Variants in FNIP2 observed in about 807,000 individuals in gnomAD.
The protein encoded by FNIP2 is folliculin-interacting protein 2.
FNIP2 carries 32 observed loss-of-function variants against 108.7 expected under a neutral mutation model. The observed-to-expected ratio is 0.29, with a 90% CI of 0.22 to 0.40. FNIP2 has a LOEUF of 0.40. Ranked by LOEUF, FNIP2 falls within the 10% of genes least tolerant of loss-of-function variation. The probability of loss-of-function intolerance (pLI) is 1.00; values close to 1 mark genes in which losing one functional copy is unlikely to be tolerated. For missense variants in FNIP2, 1,202 were observed against 1,381.6 expected, an observed-to-expected ratio of 0.87 and a Z score of 2.06; for synonymous variants, 480 against 496.7, an observed-to-expected ratio of 0.97 and a Z score of 0.45.
At position 158,881,080 on chromosome 4, in the gene FNIP2, T is replaced by C. The variant is rs1312203259; in HGVS notation, c.2950-10366T>C. 3.9e-5 allele frequency among the ~76,000 whole-genome samples: 6 copies of C among 152,362 alleles called. No homozygotes were observed. The East Asian group carries it at 9.6e-4, about 24-fold the overall frequency. On this transcript the variant is annotated intron_variant, in intron 14 of 16. Coordinates refer to ENST00000264433, the MANE Select transcript of FNIP2 (RefSeq NM_020840.3). The stretch of plus-strand genomic sequence containing the variant: ...GGTATTTTGTCATGTAGCATCCTCT[T>C]ATTAAAGTACAGTTTAATAAATGTA...
intron 2 of FNIP2, 64 bp downstream of exon 2, chr4:158,826,106 A>G (rs1419449759): frequency 5.2e-6 from 8 of 1,551,184 alleles, no homozygotes; most frequent in Non-Finnish European, 7.0e-6. Context: ...CTGATCAATC[A>G]TTTATTAATC....
At chr4:158,825,764 C>G (rs976935670) in intron 1 of FNIP2, among the ~76,000 whole-genome samples, 152 bp from the exon 2 acceptor site, 6 of 152,284 alleles carry the variant, frequency 3.9e-5, no homozygotes, top group African/African-American at 1.4e-4. Context: ...GTCCCAGGCT[C>G]ACTGGTGCCC....
chr4:158,809,875 T>A (rs997583054), intron 1 of FNIP2, among the ~76,000 whole-genome samples: 8 of 152,204 alleles, frequency 5.3e-5, no homozygotes, highest in African/African-American at 1.9e-4. Context: ...TTATGTACAT[T>A]TTTAGATGAG....
At chr4:158,783,986 A>C (rs1188842834) in intron 1 of FNIP2, among the ~76,000 whole-genome samples, 1 of 152,256 alleles carries the variant, frequency 6.6e-6, no homozygotes, top group African/African-American at 2.4e-5. Flanking sequence ...ATACTTGTAA[A>C]CAAAAAGAAT....
intron 3 of FNIP2, 104 bp downstream of exon 3, chr4:158,829,329 T>G: frequency 2.0e-6 from 2 of 1,017,770 alleles, no homozygotes; most frequent in Non-Finnish European, 2.8e-6. Context: ...TCCAGGAATA[T>G]GAGGACAAGT....
intron 12 of FNIP2, among the ~76,000 whole-genome samples, chr4:158,867,082 C>T (rs1251558144): frequency 6.6e-6 from 1 of 152,166 alleles, no homozygotes; most frequent in Admixed American, 6.5e-5. Context: ...CACATTTGCC[C>T]TTATTGTCTC....
chr4:158,814,208 T>A (rs779907721), intron 1 of FNIP2, among the ~76,000 whole-genome samples: 1 of 152,202 alleles, frequency 6.6e-6, no homozygotes, highest in Non-Finnish European at 1.5e-5. Flanking sequence ...GAGAATGTTA[T>A]CCTAACTTGT....
chr4:158,891,710 A>T, intron 15 of FNIP2, 64 bp downstream of exon 15: 1 of 1,417,674 alleles, frequency 7.1e-7, no homozygotes, highest in Non-Finnish European at 9.6e-7. Context: ...CGACATTTTG[A>T]TTATAAAATC....
Position 158,825,726 on chromosome 4 carries a change from C to T in FNIP2, c.108-190C>T, listed in dbSNP as rs1778117649. ...TGAAAACTGGCAATTTTCATATGGC[C>T]CTTTGGAATCCACATACAAGGCTAT... On this transcript the variant is annotated intron_variant, in intron 1 of 16. Coordinates refer to ENST00000264433, the MANE Select transcript of FNIP2 (RefSeq NM_020840.3). Among the ~76,000 whole-genome samples, 3 of 152,204 alleles carry T rather than the reference C, an allele frequency of 2.0e-5. No homozygotes were observed. In the South Asian group the frequency reaches 6.2e-4, roughly 31 times the overall value.
At chr4:158,861,308 C>A (rs777772089) in intron 10 of FNIP2, 34 bp from the exon 11 acceptor site, 2 of 1,585,370 alleles carry the variant, frequency 1.3e-6, no homozygotes, top group East Asian at 4.5e-5. Flanking sequence ...GTATTTCTGA[C>A]ACTTTTGTGT....
chr4:158,893,765 T>C, intron 15 of FNIP2: 4 of 1,370,172 alleles, frequency 2.9e-6, no homozygotes, highest in Non-Finnish European at 4.1e-6. Context: ...ACTTCATAAG[T>C]ATTTGCCAAA....
Position 158,790,961 on chromosome 4 carries a change from G to A in FNIP2, c.107+21642G>A, listed in dbSNP as rs1271691331. Among the ~76,000 whole-genome samples the A allele has an allele frequency of 4.0e-5, 6 of 151,088 alleles. 1 individual carries two copies. In the South Asian group the frequency reaches 1.0e-3, roughly 26 times the overall value. ...TTGTGCTCATAATTTTTAAATTCTT[G>A]TCTTTCCATTTTGTTTGCAGGTGAT... On this transcript the variant is annotated intron_variant, in intron 1 of 16. Transcript: ENST00000264433.
At chr4:158,847,163 G>A (rs1036770794) in intron 7 of FNIP2, among the ~76,000 whole-genome samples, 1 of 152,192 alleles carries the variant, frequency 6.6e-6, no homozygotes, top group Admixed American at 6.5e-5. Flanking sequence ...AAACTTGAAA[G>A]GCTGTCTAGA....
chr4:158,825,037 A>G (rs867028690), intron 1 of FNIP2, among the ~76,000 whole-genome samples: 4 of 152,180 alleles, frequency 2.6e-5, no homozygotes, highest in Middle Eastern at 3.4e-3. Context: ...AACATTCCCC[A>G]CTGAATCATG....
chr4:158,816,719 A>C (rs1186963809), intron 1 of FNIP2, among the ~76,000 whole-genome samples: 1 of 149,942 alleles, frequency 6.7e-6, no homozygotes, highest in African/African-American at 2.5e-5. Flanking sequence ...CAGGAGGTGG[A>C]GGTTGCAGTG....
chr4:158,895,237 C>G (rs1207444513), intron 15 of FNIP2, among the ~76,000 whole-genome samples: 1 of 152,112 alleles, frequency 6.6e-6, no homozygotes, highest in Non-Finnish European at 1.5e-5. Context: ...TTCAAAATGA[C>G]CTGTTCCCGT....
intron 7 of FNIP2, among the ~76,000 whole-genome samples, chr4:158,846,697 A>G (rs1779422091): frequency 2.0e-5 from 3 of 152,230 alleles, no homozygotes; most frequent in South Asian, 4.1e-4. Context: ...GAAAAGCGTA[A>G]CAAATGATTT....
intron 16 of FNIP2, among the ~76,000 whole-genome samples, chr4:158,899,431 C>G (rs1373615028): frequency 6.6e-6 from 1 of 152,112 alleles, no homozygotes; most frequent in Non-Finnish European, 1.5e-5. Context: ...AGGAATGGTA[C>G]CAGCTCCTGT....
intron 12 of FNIP2, among the ~76,000 whole-genome samples, chr4:158,865,506 T>C (rs1407981192): frequency 6.6e-6 from 1 of 152,236 alleles, no homozygotes; most frequent in African/African-American, 2.4e-5. Context: ...ATAACCTTCC[T>C]TGTTTTACCA....
Sources: allele counts gnomAD v4.1 joint callset (sites outside exome capture counted in the v4.1 genomes callset), GRCh38; gene constraint gnomAD v4.1.1; transcripts MANE v1.5; gene names NCBI Gene and HGNC (gene_info 2026-07-23, HGNC 2026-07-21).